NEXN: variants seen among roughly 807,000 people sequenced by gnomAD.
NEXN encodes nexilin F-actin binding protein, also known as nexilin.
NEXN carries 65 observed loss-of-function variants against 92.6 expected under a neutral mutation model. The observed-to-expected ratio is 0.70, with a 90% CI of 0.57 to 0.86. The LOEUF is 0.86. Ranked by LOEUF, NEXN falls within the 40% of genes least tolerant of loss-of-function variation. The pLI is 0.00. For missense variants in NEXN, 778 were observed against 771.1 expected, an observed-to-expected ratio of 1.01 and a Z score of -0.11; for synonymous variants, 254 against 242.5, an observed-to-expected ratio of 1.05 and a Z score of -0.44.
intron 1 of NEXN, among the ~76,000 whole-genome samples, chr1:77,902,271 GTTTAGAGGTTTCAGAACTTTCC>G (rs1378657492): frequency 6.6e-6 from 1 of 151,894 alleles, no homozygotes; most frequent in Non-Finnish European, 1.5e-5. Flanking sequence ...CCTTTATTTG[GTTTAGAGGTTTCAGAACTTTCC>G]TTTAACGTAC....
At chr1:77,894,458 G>A (rs1189113758) in intron 1 of NEXN, among the ~76,000 whole-genome samples, 8 of 151,148 alleles carry the variant, frequency 5.3e-5, no homozygotes, top group Non-Finnish European at 1.2e-4. Flanking sequence ...ATTATTTTTT[G>A]GAGACAGGGT....
chr1:77,918,391 T>G, intron 5 of NEXN, 118 bp downstream of exon 5: 1 of 1,222,290 alleles, frequency 8.2e-7, no homozygotes, highest in South Asian at 1.3e-5. Context: ...AAAAAGCAGC[T>G]AACCGTCTGG....
At chr1:77,895,029 A>ATTTTTTTTTTTTTTTTTTT (rs559226754) in intron 1 of NEXN, among the ~76,000 whole-genome samples, 2 of 61,652 alleles carry the variant, frequency 3.2e-5, no homozygotes, top group African/African-American at 1.4e-4. Context: ...CTATAGTGTA[A>ATTTTTTTTTTTTTTTTTTT]TTTTTTTTTT....
At chr1:77,894,279 G>A (rs990613005) in intron 1 of NEXN, among the ~76,000 whole-genome samples, 1 of 152,060 alleles carries the variant, frequency 6.6e-6, no homozygotes, top group Admixed American at 6.6e-5. Context: ...TTTTCGGTGA[G>A]GAATTGTGTA....
intron 1 of NEXN, among the ~76,000 whole-genome samples, chr1:77,914,898 A>C (rs1648849051): frequency 6.6e-6 from 1 of 152,036 alleles, no homozygotes; most frequent in South Asian, 2.1e-4. Context: ...ATCAGAATTG[A>C]TTTTTGTAAA....
chr1:77,902,894 A>T (rs982500574), intron 1 of NEXN, among the ~76,000 whole-genome samples: 12 of 152,218 alleles, frequency 7.9e-5, no homozygotes, highest in Non-Finnish European at 1.3e-4. Context: ...CATTATAATT[A>T]GTTTGGGAAA....
At chr1:77,914,206 G>C (rs1235113460) in intron 1 of NEXN, among the ~76,000 whole-genome samples, 2 of 152,134 alleles carry the variant, frequency 1.3e-5, no homozygotes, top group Admixed American at 6.5e-5. Flanking sequence ...TACAACTCAG[G>C]AGTAAACCCT....
chr1:77,942,640 T>G lies in NEXN; in HGVS notation c.1839T>G (p.Ile613Met). 6.2e-7 allele frequency: 1 copy of G among 1,613,728 alleles called. No homozygotes were observed. Among genetic ancestry groups the G allele is most frequent in the Non-Finnish European group, 8.5e-7 (1 of 1,179,734 alleles). ...TAACAGGAGAACCCAAACCAGAAAT[T>G]ACATGGTGGTTTGAAGGAGAAATAC... ...VKVTGEPKPE[I>M]TWWFEGEILQ... The change falls in exon 13 of 13, where the codon ATT becomes ATG. Residue 613 changes from isoleucine to methionine, a missense_variant. Transcript: ENST00000334785.
At chr1:77,911,054 C>T (rs1427720942) in intron 1 of NEXN, among the ~76,000 whole-genome samples, 1 of 151,940 alleles carries the variant, frequency 6.6e-6, no homozygotes, top group African/African-American at 2.4e-5. Context: ...CCAGGTTGTT[C>T]TTGAACTCCT....
intron 10 of NEXN, among the ~76,000 whole-genome samples, chr1:77,934,011 A>ATTTTTTTTT (rs71075780): frequency 0.031 from 3,516 of 114,180 alleles, 265 homozygotes; most frequent in African/African-American, 0.084. Context: ...CTAATTTTTA[A>ATTTTTTTTT]TTTTTTTTTT....
chr1:77,926,501 G>A lies in NEXN; in HGVS notation c.577G>A (p.Glu193Lys). 1 of 1,611,650 alleles carries A rather than the reference G, an allele frequency of 6.2e-7. No individual in the cohort carries two copies. The highest frequency in any genetic ancestry group is 8.5e-7 in the Non-Finnish European group (1 of 1,179,272). Residue 193 changes from glutamate (E) to lysine (K), a missense_variant, in exon 7 of 13, where the codon GAA becomes AAA. Transcript: ENST00000334785. ...AATGAAAAAGAATTTTGAGGATCTAGAAAAAGAACGTGAAGAGAAAGAAAG... is the reference window on the plus strand; with the variant it reads ...AATGAAAAAGAATTTTGAGGATCTAAAAAAAGAACGTGAAGAGAAAGAAAG... ...GKMKKNFEDL[E>K]KEREEKERIK...
At chr1:77,894,650 A>T in intron 1 of NEXN, among the ~76,000 whole-genome samples, 1 of 151,970 alleles carries the variant, frequency 6.6e-6, no homozygotes, top group East Asian at 1.9e-4. Flanking sequence ...CATGTTGCCC[A>T]GGCCTCACCC....
In NEXN at chr1:77,943,100, G is replaced by C. The variant is rs1022136051; in HGVS notation, c.*271G>C. On this transcript the variant is annotated 3_prime_UTR_variant, in exon 13 of 13. Transcript: ENST00000334785. ...CTACTTCTTTTCCAAATAAGCATCA[G>C]ATTTATCGCCTATTATGCAGTAACA... 2 of 430,692 alleles carry C rather than the reference G, an allele frequency of 4.6e-6. No individual in the cohort carries two copies. Among genetic ancestry groups the C allele is most frequent in the East Asian group, 1.1e-4 (2 of 19,014 alleles). The allele number at this position is 430,692 out of a possible 1,614,324, so 26.7% of individuals were successfully genotyped here. A position where few individuals can be genotyped will look rare whatever the true frequency, so the allele number is the denominator to read the frequency against.
chr1:77,895,509 C>T (rs1339409395), intron 1 of NEXN, among the ~76,000 whole-genome samples: 1 of 152,152 alleles, frequency 6.6e-6, no homozygotes, highest in Admixed American at 6.5e-5. Context: ...GTTCCAAAGA[C>T]TGTAAGAATT....
At chr1:77,899,640 CTT>C (rs1199051588) in intron 1 of NEXN, among the ~76,000 whole-genome samples, 2 of 151,344 alleles carry the variant, frequency 1.3e-5, no homozygotes, top group African/African-American at 2.4e-5. Flanking sequence ...CACATTAAAA[CTT>C]AAAATATAAT....
At chr1:77,900,501 T>C (rs1277612486) in intron 1 of NEXN, among the ~76,000 whole-genome samples, 1 of 152,202 alleles carries the variant, frequency 6.6e-6, no homozygotes, top group Non-Finnish European at 1.5e-5. Context: ...GCATACTTTT[T>C]GGCATACAGC....
chr1:77,918,761 C>T (rs1462548579), intron 5 of NEXN, among the ~76,000 whole-genome samples: 1 of 151,812 alleles, frequency 6.6e-6, no homozygotes, highest in Non-Finnish European at 1.5e-5. Flanking sequence ...CAGAATATGC[C>T]TATTTTAAGG....
intron 1 of NEXN, among the ~76,000 whole-genome samples, chr1:77,912,875 G>C (rs1013724502): frequency 2.6e-5 from 4 of 152,124 alleles, no homozygotes; most frequent in African/African-American, 9.7e-5. Context: ...GATGACCTCA[G>C]ATTTGGAGTT....
chr1:77,938,786 AT>A (rs2102165990), intron 11 of NEXN, among the ~76,000 whole-genome samples: 1 of 152,326 alleles, frequency 6.6e-6, no homozygotes, highest in South Asian at 2.1e-4. Flanking sequence ...GAGGAGAGAC[AT>A]TCCAGATAGA....
Sources: gnomAD v4.1 joint callset for allele counts (sites outside exome capture counted in the v4.1 genomes callset) on GRCh38, gnomAD v4.1.1 for gene constraint, MANE v1.5 for transcripts, NCBI Gene and HGNC (gene_info 2026-07-23, HGNC 2026-07-21) for gene names.